The following FIG4 variants were observed in gnomAD, a reference collection of about 807,000 sequenced individuals.
FIG4 encodes FIG4 phosphoinositide 5-phosphatase.
Under a neutral mutation model 118.6 loss-of-function variants are expected in FIG4, and 112 were observed. The ratio of observed to expected loss-of-function variants is 0.94; its 90% CI spans 0.81 to 1.11. The LOEUF (loss-of-function observed/expected upper bound fraction) is 1.11. Among genes scored for constraint, FIG4 ranks in the 50% least tolerant of loss-of-function variants. The probability of loss-of-function intolerance (pLI) is 0.00; values close to 1 mark genes in which losing one functional copy is unlikely to be tolerated. For synonymous variants in FIG4, 369 were observed against 381.2 expected (o/e 0.97, Z 0.37); for missense variants, 969 against 1,111.7 (o/e 0.87, Z 1.83).
rs760054264 is a variant in FIG4, at chr6:109,766,799, C to A, written c.1654C>A (p.His552Asn). ...TCAGTATGGTGGTTCTCAACTTGTT[C>A]ATCGTGTGAAAACCTACAGAAAGAT... The part of the protein sequence containing the change: ...SLQYGGSQLV[H>N]RVKTYRKIAP... The change falls in exon 15 of 23, where the codon CAT (histidine) becomes AAT (asparagine). Residue 552 changes from histidine (H) to asparagine (N), a missense_variant. Physicochemically the swap from His to Asn is moderately conservative, Grantham distance 68. Transcript: ENST00000230124. 1 of 1,613,570 alleles carries A rather than the reference C, an allele frequency of 6.2e-7. No homozygotes were observed.
At chr6:109,743,566 T>G in intron 9 of FIG4, 109 bp from the exon 10 acceptor site, 2 of 812,650 alleles carry the variant, frequency 2.5e-6, no homozygotes, top group Admixed American at 1.9e-5. Flanking sequence ...GAAGTGAAAC[T>G]ATTGAAAGAT....
intron 1 of FIG4, among the ~76,000 whole-genome samples, chr6:109,714,268 G>C (rs996116633): frequency 6.6e-6 from 1 of 152,126 alleles, no homozygotes; most frequent in Non-Finnish European, 1.5e-5. Context: ...CCAGTGCATG[G>C]TAGTCCCATG....
At chr6:109,761,079 T>C (rs1448817742) in intron 11 of FIG4, among the ~76,000 whole-genome samples, 1 of 152,266 alleles carries the variant, frequency 6.6e-6, no homozygotes, top group Non-Finnish European at 1.5e-5. Flanking sequence ...AAGATGTTAC[T>C]ATATCGTTTT....
At chr6:109,776,789 A>G in intron 15 of FIG4, 133 bp from the exon 16 acceptor site, 1 of 717,444 alleles carries the variant, frequency 1.4e-6, no homozygotes, top group Non-Finnish European at 2.4e-6. Context: ...GTGTGTGTGT[A>G]TGAAGTATTT....
chr6:109,702,981 T>G (rs896265493), intron 1 of FIG4, among the ~76,000 whole-genome samples: 7 of 152,262 alleles, frequency 4.6e-5, no homozygotes, highest in African/African-American at 1.7e-4. Flanking sequence ...TATATCATAC[T>G]CTCTATGACA....
intron 1 of FIG4, among the ~76,000 whole-genome samples, chr6:109,693,672 A>T (rs1034389553): frequency 6.6e-6 from 1 of 152,110 alleles, no homozygotes; most frequent in Admixed American, 6.6e-5. Context: ...GGGAGAAAAA[A>T]TCTGATCGAC....
rs139579606 is a variant in FIG4, at chr6:109,770,901, TC to T, written c.1750+4009del. On this transcript the variant is annotated intron_variant, in intron 15 of 22. Coordinates refer to ENST00000230124, the MANE Select transcript of FIG4 (RefSeq NM_014845.6). ...GCTTATCACGTGTGGAAGACAGTGATCCCAGAAGATGGTGCTGAGGTGGCTT... is the reference window on the plus strand; with the variant it reads ...GCTTATCACGTGTGGAAGACAGTGATCCAGAAGATGGTGCTGAGGTGGCTT... Among the ~76,000 whole-genome samples the T allele has an allele frequency of 6.4e-3, 980 of 152,276 alleles. 14 individuals carry two copies. Among genetic ancestry groups the T allele is most frequent in the African/African-American group, 0.022 (932 of 41,544 alleles).
chr6:109,777,278 A>T (rs1396062482), intron 16 of FIG4, among the ~76,000 whole-genome samples: 2 of 152,186 alleles, frequency 1.3e-5, no homozygotes, highest in Non-Finnish European at 2.9e-5. Flanking sequence ...TACATCATGG[A>T]GAATGGGGTA....
intron 21 of FIG4, among the ~76,000 whole-genome samples, chr6:109,792,975 G>C (rs1179583549): frequency 6.6e-6 from 1 of 152,090 alleles, no homozygotes; most frequent in Non-Finnish European, 1.5e-5. Flanking sequence ...ACAGGTGTGA[G>C]CCACTGCGTC....
chr6:109,803,652 G>A (rs1461023521), intron 22 of FIG4, among the ~76,000 whole-genome samples: 3 of 151,812 alleles, frequency 2.0e-5, no homozygotes, highest in Admixed American at 6.6e-5. Context: ...AAGTTCTAGG[G>A]TACATGTGCA....
At position 109,825,386 on chromosome 6, in the gene FIG4, T is replaced by C; in HGVS notation, c.*121T>C. 1 of 847,484 alleles carries C rather than the reference T, an allele frequency of 1.2e-6. No individual in the cohort carries two copies. Among genetic ancestry groups the C allele is most frequent in the Non-Finnish European group, 1.9e-6 (1 of 520,796 alleles). The allele number at this position is 847,484 out of a possible 1,614,324, so 52.5% of individuals were successfully genotyped here. On this transcript the variant is annotated 3_prime_UTR_variant, in exon 23 of 23. Transcript: ENST00000230124. ...TGAAGCCTTTCTCCTTTTCTGTCAC[T>C]TGCAAATTCCAAATTATAGCTAATA...
At chr6:109,779,676 G>A (rs753069178) in intron 16 of FIG4, among the ~76,000 whole-genome samples, 3 of 152,108 alleles carry the variant, frequency 2.0e-5, no homozygotes, top group Admixed American at 6.5e-5. Context: ...TATAAATACT[G>A]TAAGATAAAT....
At chr6:109,721,199 T>A (rs1233154483) in intron 3 of FIG4, among the ~76,000 whole-genome samples, 3 of 152,126 alleles carry the variant, frequency 2.0e-5, no homozygotes, top group East Asian at 1.9e-4. Flanking sequence ...AGATCCAAGA[T>A]AACAGTGAAA....
At chr6:109,756,780 G>C (rs1281157224) in intron 10 of FIG4, among the ~76,000 whole-genome samples, 1 of 152,138 alleles carries the variant, frequency 6.6e-6, no homozygotes, top group African/African-American at 2.4e-5. Flanking sequence ...TTGGCTTTCA[G>C]CTCCATCAGC....
intron 3 of FIG4, among the ~76,000 whole-genome samples, chr6:109,722,784 T>G (rs1341017976): frequency 6.6e-6 from 1 of 152,162 alleles, no homozygotes; most frequent in Non-Finnish European, 1.5e-5. Flanking sequence ...GTAGAGCCTC[T>G]ACCCTGTGAG....
At chr6:109,748,950 A>G (rs1029586277) in intron 10 of FIG4, among the ~76,000 whole-genome samples, 1 of 151,888 alleles carries the variant, frequency 6.6e-6, no homozygotes, top group African/African-American at 2.4e-5. Flanking sequence ...TTGAGTGGGG[A>G]CACAGCCAAA....
chr6:109,703,903 C>T (rs1004126970), intron 1 of FIG4, among the ~76,000 whole-genome samples: 2 of 152,198 alleles, frequency 1.3e-5, no homozygotes, highest in African/African-American at 4.8e-5. Context: ...GGTTCCTTCT[C>T]CGTATCCAGC....
At chr6:109,764,931 G>GTTTTTGTTTTTA in intron 13 of FIG4, 82 bp from the exon 14 acceptor site, 1 of 1,302,606 alleles carries the variant, frequency 7.7e-7, no homozygotes, top group Non-Finnish European at 1.1e-6. Flanking sequence ...TTTTGTTTTT[G>GTTTTTGTTTTTA]TTTCTTAAAG....
intron 12 of FIG4, 135 bp from the exon 13 acceptor site, chr6:109,763,802 G>A: frequency 1.4e-6 from 1 of 692,102 alleles, no homozygotes; most frequent in Non-Finnish European, 2.6e-6. Context: ...AATGAGAGTA[G>A]GCAGGATCAG....
Sources: allele counts gnomAD v4.1 joint callset (sites outside exome capture counted in the v4.1 genomes callset), GRCh38; gene constraint gnomAD v4.1.1; transcripts MANE v1.5; gene names NCBI Gene and HGNC (gene_info 2026-07-23, HGNC 2026-07-21).